Variants in RREB1 observed in about 807,000 individuals in gnomAD.
RREB1 encodes the protein ras-responsive element-binding protein 1.
Under a neutral mutation model 117.8 loss-of-function variants are expected in RREB1, and 27 were observed. The ratio of observed to expected loss-of-function variants is 0.23; its 90% CI spans 0.17 to 0.32. The LOEUF (loss-of-function observed/expected upper bound fraction) is 0.32. Among genes scored for constraint, RREB1 ranks in the 10% least tolerant of loss-of-function variants. RREB1 has a pLI of 1.00. For missense variants in RREB1, 2,577 were observed against 2,378.2 expected (o/e 1.08, Z -1.74); for synonymous variants, 1,298 against 1,026.7 (o/e 1.26, Z -5.05).
chr6:7,235,235 G>A (rs778327388), intron 10 of RREB1, among the ~76,000 whole-genome samples: 21 of 152,100 alleles, frequency 1.4e-4, no homozygotes, highest in Non-Finnish European at 2.6e-4. Flanking sequence ...TTCCATTCAC[G>A]GAGCATTAGA....
chr6:7,248,426 G>T, intron 12 of RREB1, 85 bp from the exon 13 acceptor site: 1 of 1,196,940 alleles, frequency 8.4e-7, no homozygotes, highest in Non-Finnish European at 1.2e-6. Flanking sequence ...CATAGCCTGG[G>T]AGCCTCATTC....
chr6:7,171,856 A>G (rs770869655), intron 1 of RREB1, among the ~76,000 whole-genome samples: 2 of 152,074 alleles, frequency 1.3e-5, no homozygotes, highest in African/African-American at 4.8e-5. Context: ...AAGGGTAACC[A>G]AGGGGACTGG....
Position 7,231,741 on chromosome 6 carries a change from C to A in RREB1, c.3642C>A (p.Asp1214Glu). ...ATGAGGTGGCCGGAGCCCCTGCCGA[C>A]CACCATGGGCCCAGTGATGAAGAGC... ...TQDEVAGAPA[D>E]HHGPSDEEQG... is the part of the protein sequence containing the mutation. The change falls in exon 10 of 13, where the codon GAC (aspartate) becomes GAA (glutamate). Residue 1214 changes from aspartate (D) to glutamate (E), a missense_variant. Coordinates refer to ENST00000379938, the MANE Select transcript of RREB1 (RefSeq NM_001003699.4). 1 of 1,613,860 alleles carries A rather than the reference C, an allele frequency of 6.2e-7. No individual in the cohort carries two copies. The highest frequency in any genetic ancestry group is 8.5e-7 in the Non-Finnish European group (1 of 1,179,998).
intron 11 of RREB1, among the ~76,000 whole-genome samples, chr6:7,245,445 G>C (rs946646420): frequency 6.6e-6 from 1 of 152,104 alleles, no homozygotes; most frequent in African/African-American, 2.4e-5. Context: ...CTAAATAATA[G>C]GTCCCACCAG....
intron 1 of RREB1, among the ~76,000 whole-genome samples, chr6:7,129,779 CACTTTA>C (rs1762076891): frequency 6.6e-6 from 1 of 152,216 alleles, no homozygotes; most frequent in African/African-American, 2.4e-5. Context: ...ACCTGGGTTC[CACTTTA>C]GCCCTGACAT....
At chr6:7,172,102 T>A (rs1345900649) in intron 1 of RREB1, among the ~76,000 whole-genome samples, 2 of 152,034 alleles carry the variant, frequency 1.3e-5, no homozygotes, top group African/African-American at 4.8e-5. Flanking sequence ...GGTGCTACCA[T>A]ACCTGCCTAA....
At chr6:7,194,799 G>A (rs2113570606) in intron 6 of RREB1, among the ~76,000 whole-genome samples, 1 of 152,280 alleles carries the variant, frequency 6.6e-6, no homozygotes, top group African/African-American at 2.4e-5. Context: ...CTATGGACAT[G>A]CCCTAGGTAG....
intron 1 of RREB1, among the ~76,000 whole-genome samples, chr6:7,138,105 A>C (rs1342499566): frequency 6.6e-6 from 1 of 152,232 alleles, no homozygotes; most frequent in Admixed American, 6.5e-5. Flanking sequence ...CTTTAACTCA[A>C]GGATGTTAAA....
rs141609935 is a variant in RREB1, at chr6:7,231,236, G to A, written c.3137G>A (p.Arg1046Gln). 6.8e-6 allele frequency: 11 copies of A among 1,612,544 alleles called. No individual in the cohort carries two copies. The highest frequency in any genetic ancestry group is 4.5e-5 in the East Asian group (2 of 44,878). ...LSGTALLRPL[R>Q]PKPPLLLPKP... Reference sequence around the variant, plus strand: ...GGCACAGCCTTGCTGCGTCCACTGCGGCCCAAGCCCCCGCTGCTTTTGCCA... The same window carrying A: ...GGCACAGCCTTGCTGCGTCCACTGCAGCCCAAGCCCCCGCTGCTTTTGCCA... The change falls in exon 10 of 13, where the codon CGG becomes CAG. Residue 1046 changes from arginine to glutamine, a missense_variant. Transcript: ENST00000379938.
chr6:7,151,588 A>C (rs987963971), intron 1 of RREB1, among the ~76,000 whole-genome samples: 1 of 152,248 alleles, frequency 6.6e-6, no homozygotes, highest in African/African-American at 2.4e-5. Context: ...CATTGCAGGC[A>C]CATGACACTT....
intron 1 of RREB1, among the ~76,000 whole-genome samples, chr6:7,147,845 T>C (rs1762941503): frequency 1.3e-5 from 2 of 151,106 alleles, no homozygotes; most frequent in Non-Finnish European, 2.9e-5. Context: ...GAAACATCAG[T>C]GAGTTCAGGA....
intron 1 of RREB1, among the ~76,000 whole-genome samples, chr6:7,173,338 G>A (rs1051618964): frequency 2.6e-5 from 4 of 151,462 alleles, no homozygotes; most frequent in Admixed American, 1.3e-4. Context: ...CAAACATGGC[G>A]AAACCCCGTC....
intron 8 of RREB1, among the ~76,000 whole-genome samples, chr6:7,221,140 T>C (rs1317619088): frequency 6.6e-6 from 1 of 151,924 alleles, no homozygotes; most frequent in Non-Finnish European, 1.5e-5. Flanking sequence ...AGGTGCTGAG[T>C]GTGAGGCAGG....
intron 1 of RREB1, among the ~76,000 whole-genome samples, chr6:7,111,494 T>TTA (rs1308921439): frequency 3.9e-5 from 6 of 152,188 alleles, no homozygotes; most frequent in Non-Finnish European, 8.8e-5. Flanking sequence ...TAGGTGGTGC[T>TTA]TAGAAGGTCA....
intron 6 of RREB1, among the ~76,000 whole-genome samples, chr6:7,192,055 C>A (rs1196284736): frequency 1.1e-5 from 1 of 88,532 alleles, no homozygotes; most frequent in Non-Finnish European, 2.3e-5. Flanking sequence ...GAGAAAGTTT[C>A]TTTCTTTTCC....
rs1769410831 is a variant in RREB1 at position 7,251,511 on chromosome 6, T to TTC, written c.*2543_*2544insTC. 3 of 139,122 alleles carry TTC rather than the reference T, an allele frequency of 2.2e-5. No homozygotes were observed. Among genetic ancestry groups the TTC allele is most frequent in the African/African-American group, 8.2e-5 (3 of 36,650 alleles). 8.6% of individuals were successfully genotyped at this position (139,122 alleles called of 1,614,324 possible). A position where few individuals can be genotyped will look rare whatever the true frequency, so the allele number is the denominator to read the frequency against. ...TCTCTTTTTTTTTTTTTTTTTTTTT[T>TTC]CTCATTGATTAATGGACATGATGCT... On this transcript the variant is annotated 3_prime_UTR_variant, in exon 13 of 13. Transcript: ENST00000379938.
rs116295722 is a variant in RREB1 at position 7,231,503 on chromosome 6, G to A, written c.3404G>A (p.Ser1135Asn). The change falls in exon 10 of 13, where the codon AGC becomes AAC. Residue 1135 changes from serine to asparagine, a missense_variant. Transcript: ENST00000379938. Reference sequence around the variant, plus strand: ...AGTGAGCCTCCCGCTCCAGCCAGCAGCCCAGAGGCTGCCTCTCCCACCGAG... The same window carrying A: ...AGTGAGCCTCCCGCTCCAGCCAGCAACCCAGAGGCTGCCTCTCCCACCGAG... ...ESSEPPAPASSPEAASPTEQG... is the reference protein window; with the variant it reads ...ESSEPPAPASNPEAASPTEQG... The A allele has an allele frequency of 6.2e-7, 1 of 1,610,080 alleles. No individual in the cohort carries two copies. Among genetic ancestry groups the A allele is most frequent in the South Asian group, 1.1e-5 (1 of 90,914 alleles).
intron 8 of RREB1, among the ~76,000 whole-genome samples, chr6:7,226,107 A>G (rs1008983621): frequency 6.6e-6 from 1 of 152,208 alleles, no homozygotes. Context: ...GGGAGAGAGA[A>G]ACCTCTGACA....
At chr6:7,150,518 T>G (rs1279359585) in intron 1 of RREB1, among the ~76,000 whole-genome samples, 4 of 152,166 alleles carry the variant, frequency 2.6e-5, no homozygotes, top group African/African-American at 9.7e-5. Flanking sequence ...ACCTCCTGAT[T>G]GCTATGCTGA....
Sources: gnomAD v4.1 joint callset for allele counts (sites outside exome capture counted in the v4.1 genomes callset) on GRCh38, gnomAD v4.1.1 for gene constraint, MANE v1.5 for transcripts, NCBI Gene and HGNC (gene_info 2026-07-23, HGNC 2026-07-21) for gene names.